The following CEP135 variants were observed in gnomAD, a reference collection of about 807,000 sequenced individuals.
CEP135 encodes the protein centrosomal protein of 135 kDa.
A neutral mutation model predicts 157.3 loss-of-function variants in CEP135; 142 were observed. The observed-to-expected ratio is 0.90, with a 90% CI of 0.79 to 1.04. CEP135 has a LOEUF of 1.04. Among genes scored for constraint, CEP135 ranks in the 50% least tolerant of loss-of-function variants. The pLI is 0.00. For missense variants in CEP135, 1,317 were observed against 1,309.2 expected (o/e 1.01, Z -0.09); for synonymous variants, 396 against 439.8 (o/e 0.90, Z 1.25).
Position 56,024,514 on chromosome 4 carries a change from C to G in CEP135, c.3334C>G (p.Gln1112Glu), listed in dbSNP as rs755820201. ...TERYERERAIQEMRRHGLATP... is the reference protein window; with the variant it reads ...TERYERERAIEEMRRHGLATP... ...CTTTACTAACAGAGAACGAGCAATC[C>G]AAGAGATGCGTCGACATGGTCTTGC... Residue 1112 changes from glutamine (Q) to glutamate (E), a missense_variant, in exon 25 of 26, where the codon CAA becomes GAA. Transcript: ENST00000257287. 1.8e-5 allele frequency: 29 copies of G among 1,613,304 alleles called. No homozygotes were observed. Among genetic ancestry groups the G allele is most frequent in the Non-Finnish European group, 2.4e-5 (28 of 1,179,606 alleles).
chr4:55,984,165 G>T (rs1330538418), intron 13 of CEP135, among the ~76,000 whole-genome samples: 1 of 152,210 alleles, frequency 6.6e-6, no homozygotes, highest in East Asian at 1.9e-4. Flanking sequence ...GGACTTCAGT[G>T]ATTGGCCTTT....
intron 21 of CEP135, 135 bp downstream of exon 21, chr4:56,012,120 C>T (rs1730609662): frequency 7.5e-6 from 4 of 530,178 alleles, no homozygotes; most frequent in Non-Finnish European, 1.2e-5. Context: ...TGCAATGGCA[C>T]GATCTTTGCT....
chr4:55,966,865 A>G (rs1296175590), intron 8 of CEP135, among the ~76,000 whole-genome samples: 1 of 152,196 alleles, frequency 6.6e-6, no homozygotes, highest in East Asian at 1.9e-4. Flanking sequence ...AACATTTTTC[A>G]TCTTTTAAGT....
At chr4:56,020,091 G>A (rs1048748029) in intron 23 of CEP135, among the ~76,000 whole-genome samples, 5 of 152,252 alleles carry the variant, frequency 3.3e-5, no homozygotes, top group Admixed American at 6.5e-5. Flanking sequence ...TTAGGAAAGC[G>A]CCTACAGTTG....
At chr4:55,991,539 C>A (rs1354086996) in intron 14 of CEP135, among the ~76,000 whole-genome samples, 1 of 151,984 alleles carries the variant, frequency 6.6e-6, no homozygotes, top group African/African-American at 2.4e-5. Context: ...ACTGTTTCTT[C>A]ACATAGATCT....
rs188363263 is a variant in CEP135, at chr4:55,980,276, T to C, written c.1607T>C (p.Leu536Pro). Reference sequence around the variant, plus strand: ...TTATTGACAGCAGAAAGAGATAAACTAAGTGTCTTATATAATGAAGTAAGA... The same window carrying C: ...TTATTGACAGCAGAAAGAGATAAACCAAGTGTCTTATATAATGAAGTAAGA... Reference protein sequence around the residue: ...VKLLTAERDKLSVLYNEAQEE... With the variant: ...VKLLTAERDKPSVLYNEAQEE... Residue 536 changes from leucine (L) to proline (P), a missense_variant, in exon 12 of 26, where the codon CTA (leucine) becomes CCA (proline). By Grantham distance (98) the Leu-to-Pro change is moderately conservative (BLOSUM62 -3). Transcript: ENST00000257287. 6 of 1,526,226 alleles carry C rather than the reference T, an allele frequency of 3.9e-6. No homozygotes were observed. The highest frequency in any genetic ancestry group is 5.4e-6 in the Non-Finnish European group (6 of 1,105,030). The allele number at this position is 1,526,226 out of a possible 1,614,324, so 94.5% of individuals were successfully genotyped here.
Position 55,964,318 on chromosome 4 carries a change from G to T in CEP135, c.744G>T (p.Leu248Phe). 6.2e-7 allele frequency: 1 copy of T among 1,613,448 alleles called. No homozygotes were observed. The highest frequency in any genetic ancestry group is 8.5e-7 in the Non-Finnish European group (1 of 1,179,682). The change falls in exon 7 of 26, where the codon TTG (leucine) becomes TTT (phenylalanine). Residue 248 changes from leucine to phenylalanine, a missense_variant. Leu to Phe is a conservative substitution (Grantham distance 22). Transcript: ENST00000257287. ...AGATAGAACGACTGTCAGTTGCTTT[G>T]GATGGTGGTCGGTCCCCTGATGTCC... ...EREIERLSVALDGGRSPDVLS... is the reference protein window; with the variant it reads ...EREIERLSVAFDGGRSPDVLS...
chr4:55,973,768 C>T (rs377605571), intron 10 of CEP135, among the ~76,000 whole-genome samples: 2 of 152,140 alleles, frequency 1.3e-5, no homozygotes, highest in Non-Finnish European at 1.5e-5. Context: ...TGCTGTTCTG[C>T]TTGATCACCC....
At chr4:55,968,333 C>T (rs1416407613) in intron 8 of CEP135, among the ~76,000 whole-genome samples, 1 of 148,928 alleles carries the variant, frequency 6.7e-6, no homozygotes, top group East Asian at 2.0e-4. Flanking sequence ...AGTGTCCATA[C>T]AACTCAAATT....
At chr4:55,989,438 A>G (rs1399910760) in intron 14 of CEP135, among the ~76,000 whole-genome samples, 1 of 152,240 alleles carries the variant, frequency 6.6e-6, no homozygotes, top group Non-Finnish European at 1.5e-5. Context: ...GCCTAAGATC[A>G]CACAGCTAGC....
intron 12 of CEP135, 29 bp downstream of exon 12, chr4:55,980,324 AG>A (rs1729359629): frequency 7.2e-7 from 1 of 1,393,860 alleles, no homozygotes; most frequent in African/African-American, 1.4e-5. Context: ...TTAAGCCAAT[AG>A]ATTGTATAGA....
intron 24 of CEP135, among the ~76,000 whole-genome samples, chr4:56,022,184 T>C (rs538168442): frequency 6.6e-6 from 1 of 152,330 alleles, no homozygotes; most frequent in Non-Finnish European, 1.5e-5. Flanking sequence ...ACTTAAATTC[T>C]CTGCAAATCA....
At chr4:56,003,987 T>C (rs1166421590) in intron 17 of CEP135, among the ~76,000 whole-genome samples, 4 of 152,200 alleles carry the variant, frequency 2.6e-5, no homozygotes, top group African/African-American at 7.2e-5. Context: ...CCCCAAGTGC[T>C]GGGATTACAG....
chr4:55,970,156 G>A (rs1211404717), intron 9 of CEP135, among the ~76,000 whole-genome samples: 1 of 151,944 alleles, frequency 6.6e-6, no homozygotes. Context: ...ACAGGCATGA[G>A]CCACTGTGCC....
At chr4:56,016,175 A>T (rs1730767992) in intron 21 of CEP135, among the ~76,000 whole-genome samples, 1 of 152,208 alleles carries the variant, frequency 6.6e-6, no homozygotes. Flanking sequence ...CACTGGCAGC[A>T]TCCACCAGAA....
At chr4:56,003,928 C>T (rs1730264954) in intron 17 of CEP135, among the ~76,000 whole-genome samples, 1 of 151,952 alleles carries the variant, frequency 6.6e-6, no homozygotes, top group Non-Finnish European at 1.5e-5. Flanking sequence ...ACCATGTTTC[C>T]CAGGCTGGTC....
At chr4:55,972,182 T>C (rs779800528) in intron 10 of CEP135, among the ~76,000 whole-genome samples, 8 of 152,180 alleles carry the variant, frequency 5.3e-5, no homozygotes, top group Non-Finnish European at 1.2e-4. Context: ...ATTCATTAAT[T>C]TGACCGATGT....
chr4:55,964,329 G>A lies in CEP135; in HGVS notation c.755G>A (p.Arg252Gln), dbSNP rs780760034. 2.4e-5 allele frequency: 38 copies of A among 1,612,902 alleles called. No homozygotes were observed. The highest frequency in any genetic ancestry group is 3.1e-5 in the Non-Finnish European group (36 of 1,179,388). ...CTGTCAGTTGCTTTGGATGGTGGTC[G>A]GTCCCCTGATGTCCTTTCTCTGGAG... ...ERLSVALDGG[R>Q]SPDVLSLESR... Residue 252 changes from arginine to glutamine, a missense_variant, in exon 7 of 26, where the codon CGG (arginine) becomes CAG (glutamine). By Grantham distance (43) the Arg-to-Gln change is conservative. Transcript: ENST00000257287.
At chr4:56,019,208 G>A in intron 22 of CEP135, 145 bp from the exon 23 acceptor site, 1 of 613,468 alleles carries the variant, frequency 1.6e-6, no homozygotes, top group Non-Finnish European at 2.8e-6. Context: ...TATACTTAAA[G>A]AAACAGTTCA....
Sources: allele counts gnomAD v4.1 joint callset (sites outside exome capture counted in the v4.1 genomes callset), GRCh38; gene constraint gnomAD v4.1.1; transcripts MANE v1.5; gene names NCBI Gene and HGNC (gene_info 2026-07-23, HGNC 2026-07-21).